Variants in CPS1 observed in about 807,000 individuals in gnomAD.
CPS1 encodes the protein carbamoyl-phosphate synthase 1, also known as carbamoyl-phosphate synthase [ammonia], mitochondrial.
In CPS1, 109 loss-of-function variants were observed where a neutral mutation model predicts 174.6. The observed-to-expected ratio is 0.62, with a 90% CI of 0.53 to 0.73. The LOEUF (loss-of-function observed/expected upper bound fraction) is 0.73. Ranked by LOEUF, CPS1 falls within the 30% of genes least tolerant of loss-of-function variation. The pLI, the probability that CPS1 is intolerant of heterozygous loss-of-function variation, is 0.00. For missense variants in CPS1, 1,689 were observed against 1,821.9 expected, an observed-to-expected ratio of 0.93 and a Z score of 1.33; for synonymous variants, 637 against 632.0, an observed-to-expected ratio of 1.01 and a Z score of -0.12.
intron 1 of CPS1, among the ~76,000 whole-genome samples, chr2:210,526,905 T>C (rs1695986982): frequency 6.6e-6 from 1 of 152,000 alleles, no homozygotes. Flanking sequence ...AATACTGTAA[T>C]TTATCTATGA....
At chr2:210,546,820 AC>A (rs1485744721) in intron 1 of CPS1, among the ~76,000 whole-genome samples, 1 of 151,888 alleles carries the variant, frequency 6.6e-6, no homozygotes, top group Non-Finnish European at 1.5e-5. Flanking sequence ...TTTTATAATC[AC>A]ACATTTCTCC....
intron 1 of CPS1, among the ~76,000 whole-genome samples, chr2:210,501,452 C>T (rs138655250): frequency 8.5e-5 from 13 of 152,208 alleles, no homozygotes; most frequent in Non-Finnish European, 1.2e-4. Flanking sequence ...TTTGTGAATA[C>T]GTAAAACTGA....
At chr2:210,613,270 G>C (rs926024315) in intron 20 of CPS1, among the ~76,000 whole-genome samples, 3 of 151,908 alleles carry the variant, frequency 2.0e-5, no homozygotes, top group Non-Finnish European at 4.4e-5. Flanking sequence ...GTCCTTAAGA[G>C]ACCTGAAGGA....
chr2:210,646,212 TGTTTTTAA>T (rs1480129723), intron 25 of CPS1, among the ~76,000 whole-genome samples: 1 of 152,222 alleles, frequency 6.6e-6, no homozygotes, highest in Non-Finnish European at 1.5e-5. Context: ...TGGAGTAATT[TGTTTTTAA>T]GTCTCTAAAA....
upstream of CPS1, among the ~76,000 whole-genome samples, chr2:210,554,091 A>ATG (rs199940461): frequency 0.01 from 1,503 of 146,440 alleles, 12 homozygotes; most frequent in African/African-American, 0.015. Flanking sequence ...ACATATGTAT[A>ATG]TGTATGTATA....
chr2:210,672,946 T>A (rs1701362023), intron 34 of CPS1: 1 of 152,206 alleles, frequency 6.6e-6, no homozygotes, highest in Admixed American at 6.5e-5. Context: ...AGGATTTAGA[T>A]CTGTGCTCAG....
At chr2:210,609,039 G>T (rs1699022075) in intron 19 of CPS1, among the ~76,000 whole-genome samples, 2 of 151,846 alleles carry the variant, frequency 1.3e-5, no homozygotes, top group Admixed American at 1.3e-4. Context: ...GAAGAGGCTG[G>T]ACTAGTTCAT....
chr2:210,545,058 C>T (rs576782128), intron 1 of CPS1, among the ~76,000 whole-genome samples: 6 of 152,122 alleles, frequency 3.9e-5, no homozygotes, highest in South Asian at 4.2e-4. Context: ...GGAAGAAACA[C>T]GGAGCCCAGT....
At chr2:210,562,198 T>A (rs532861096) in intron 1 of CPS1, among the ~76,000 whole-genome samples, 21 of 152,348 alleles carry the variant, frequency 1.4e-4, no homozygotes, top group African/African-American at 4.8e-4. Flanking sequence ...GATTCATAAA[T>A]CTTAATCTTT....
upstream of CPS1, among the ~76,000 whole-genome samples, chr2:210,553,336 AG>A (rs1255024351): frequency 6.6e-6 from 1 of 152,058 alleles, no homozygotes; most frequent in Non-Finnish European, 1.5e-5. Flanking sequence ...ATCAAATGAA[AG>A]TGAATACAAC....
intron 1 of CPS1, among the ~76,000 whole-genome samples, chr2:210,528,020 T>A (rs948608070): frequency 6.6e-6 from 1 of 151,940 alleles, no homozygotes; most frequent in African/African-American, 2.4e-5. Flanking sequence ...CTGTATGAGG[T>A]TCGCAGTAAC....
intron 16 of CPS1, 98 bp from the exon 17 acceptor site, chr2:210,605,004 G>A: frequency 7.3e-7 from 1 of 1,362,308 alleles, no homozygotes; most frequent in Non-Finnish European, 1.0e-6. Flanking sequence ...TGAGAGTTCA[G>A]TGCTGACCAG....
At position 210,593,520 on chromosome 2, in the gene CPS1, G is replaced by T. The variant is rs988330343; in HGVS notation, c.1164+564G>T. ...TTAATCTAAATATTTTTACTTTTTT[G>T]TGTGTGAGCTCTTAGTTCATTGTTC... is the stretch of plus-strand genomic sequence containing the variant. On this transcript the variant is annotated intron_variant, in intron 11 of 37. Coordinates refer to ENST00000233072, the MANE Select transcript of CPS1 (RefSeq NM_001875.5). 4 of 986,986 alleles carry T rather than the reference G, an allele frequency of 4.1e-6. No homozygotes were observed. In the East Asian group the frequency reaches 4.5e-4, roughly 112 times the overall value. The allele number at this position is 986,986 out of a possible 1,614,324, so 61.1% of individuals were successfully genotyped here.
In CPS1 at chr2:210,661,372, C is replaced by A. The variant is rs990329020; in HGVS notation, c.3927+717C>A. ...GTGATATATAAACGTATTTGAATTA[C>A]GTAGATGAAGAGCACAATGAAATTA... On this transcript the variant is annotated intron_variant, in intron 32 of 37. Transcript: ENST00000233072. 2.6e-5 allele frequency among the ~76,000 whole-genome samples: 4 copies of A among 152,098 alleles called. No homozygotes were observed. The South Asian group carries it at 8.3e-4, about 32-fold the overall frequency.
chr2:210,486,101 TATACACACACAC>T (rs1486477237), intron 1 of CPS1, among the ~76,000 whole-genome samples: 2 of 117,908 alleles, frequency 1.7e-5, no homozygotes, highest in Non-Finnish European at 1.7e-5. Context: ...TACATATATA[TATACACACACAC>T]ATACACACAC....
chr2:210,645,561 A>T (rs1700352543), intron 25 of CPS1, among the ~76,000 whole-genome samples: 1 of 152,022 alleles, frequency 6.6e-6, no homozygotes, highest in Non-Finnish European at 1.5e-5. Context: ...TGGGGAGGCT[A>T]AGGAGGGTAG....
intron 21 of CPS1, among the ~76,000 whole-genome samples, chr2:210,630,860 A>G (rs541162609): frequency 1.3e-5 from 2 of 152,238 alleles, no homozygotes; most frequent in South Asian, 4.2e-4. Flanking sequence ...ATGGTCTTGA[A>G]CCCGTGAAAC....
At chr2:210,572,219 A>G (rs1468945490) in intron 1 of CPS1, among the ~76,000 whole-genome samples, 1 of 152,006 alleles carries the variant, frequency 6.6e-6, no homozygotes. Context: ...AAAAGGCAAC[A>G]ACTTAAAAAT....
intron 1 of CPS1, among the ~76,000 whole-genome samples, chr2:210,508,702 C>T (rs996918624): frequency 3.3e-5 from 5 of 152,158 alleles, no homozygotes; most frequent in Non-Finnish European, 5.9e-5. Flanking sequence ...GGGGATATCA[C>T]CACTGATCCT....
Sources: gnomAD v4.1 joint callset for allele counts (sites outside exome capture counted in the v4.1 genomes callset) on GRCh38, gnomAD v4.1.1 for gene constraint, MANE v1.5 for transcripts, NCBI Gene and HGNC (gene_info 2026-07-23, HGNC 2026-07-21) for gene names.